The following PAPPA2 variants were observed in gnomAD, a reference collection of about 807,000 sequenced individuals.
The protein encoded by PAPPA2 is pappalysin 2.
Under a neutral mutation model 176.4 loss-of-function variants are expected in PAPPA2, and 86 were observed. The ratio of observed to expected loss-of-function variants is 0.49; its 90% CI spans 0.41 to 0.58. PAPPA2 has a LOEUF of 0.58. Ranked by LOEUF, PAPPA2 falls within the 20% of genes least tolerant of loss-of-function variation. The probability of loss-of-function intolerance (pLI) is 0.00; values close to 1 mark genes in which losing one functional copy is unlikely to be tolerated. For synonymous variants in PAPPA2, 809 were observed against 852.2 expected, an observed-to-expected ratio of 0.95 and a Z score of 0.88; for missense variants, 2,073 against 2,256.9, an observed-to-expected ratio of 0.92 and a Z score of 1.65.
At chr1:176,673,300 C>G (rs1365819651) in intron 4 of PAPPA2, among the ~76,000 whole-genome samples, 1 of 152,062 alleles carries the variant, frequency 6.6e-6, no homozygotes. Context: ...AATGGGTGGA[C>G]TAGAAAGTCA....
chr1:176,796,638 C>CT (rs1255705826), intron 20 of PAPPA2, among the ~76,000 whole-genome samples: 13 of 148,268 alleles, frequency 8.8e-5, no homozygotes, highest in Non-Finnish European at 1.5e-4. Context: ...CTTTTTCTTT[C>CT]TTTTCTTTTC....
intron 3 of PAPPA2, among the ~76,000 whole-genome samples, chr1:176,597,117 G>C (rs1223042371): frequency 6.6e-6 from 1 of 152,172 alleles, no homozygotes; most frequent in East Asian, 1.9e-4. Flanking sequence ...CTTCAAGCAT[G>C]TGGTATCAAA....
intron 17 of PAPPA2, among the ~76,000 whole-genome samples, chr1:176,773,702 A>G (rs1428477695): frequency 6.6e-6 from 1 of 152,228 alleles, no homozygotes; most frequent in Non-Finnish European, 1.5e-5. Context: ...CAAACTTTGA[A>G]GTTCAATACA....
At chr1:176,705,065 G>A (rs1166854168) in intron 9 of PAPPA2, among the ~76,000 whole-genome samples, 4 of 151,874 alleles carry the variant, frequency 2.6e-5, no homozygotes, top group Non-Finnish European at 5.9e-5. Flanking sequence ...GATTATTCCT[G>A]GACCCCTTGT....
intron 14 of PAPPA2, among the ~76,000 whole-genome samples, chr1:176,744,671 G>A (rs752469191): frequency 6.6e-5 from 10 of 152,034 alleles, no homozygotes; most frequent in Admixed American, 1.3e-4. Context: ...CAGTTTTCTC[G>A]TCTTTACAGG....
chr1:176,673,361 A>G (rs1372887349), intron 4 of PAPPA2, among the ~76,000 whole-genome samples: 1 of 152,114 alleles, frequency 6.6e-6, no homozygotes, highest in Non-Finnish European at 1.5e-5. Flanking sequence ...GTTTTGAGTT[A>G]TGCTAATCAA....
rs1331802133 is a variant in PAPPA2 at position 176,699,277 on chromosome 1, T to C, written c.2924T>C (p.Met975Thr). 1 of 1,614,162 alleles carries C rather than the reference T, an allele frequency of 6.2e-7. No homozygotes were observed. Among genetic ancestry groups the C allele is most frequent in the Admixed American group, 1.7e-5 (1 of 60,018 alleles). ...ACCCTGTGGGTCACTTCCTTCTTCA[T>C]GGAGTCCTCGCAGGTCCTCTTTGAC... is the stretch of plus-strand genomic sequence containing the variant. The part of the protein sequence containing the change: ...TLTLWVTSFF[M>T]ESSQVLFDTE... The change falls in exon 8 of 23, where the codon ATG (methionine) becomes ACG (threonine). Residue 975 changes from methionine to threonine, a missense_variant. Met to Thr is a moderately conservative substitution (Grantham distance 81). Transcript: ENST00000367662.
intron 1 of PAPPA2, among the ~76,000 whole-genome samples, chr1:176,470,963 AT>A (rs1431489115): frequency 2.0e-5 from 3 of 152,096 alleles, no homozygotes; most frequent in African/African-American, 7.2e-5. Context: ...CAAATAGCAC[AT>A]CCTCAGAATG....
At chr1:176,732,456 G>C (rs1291137751) in intron 12 of PAPPA2, among the ~76,000 whole-genome samples, 2 of 152,130 alleles carry the variant, frequency 1.3e-5, no homozygotes, top group Non-Finnish European at 2.9e-5. Flanking sequence ...ATTTCTTTCG[G>C]ATCTGCATTT....
At chr1:176,631,198 T>C (rs767734429) in intron 3 of PAPPA2, among the ~76,000 whole-genome samples, 6 of 152,186 alleles carry the variant, frequency 3.9e-5, no homozygotes, top group Non-Finnish European at 7.4e-5. Flanking sequence ...TACAGTGAAA[T>C]ATTATTTGGT....
chr1:176,502,919 A>G (rs1648048397), intron 1 of PAPPA2, among the ~76,000 whole-genome samples: 1 of 152,144 alleles, frequency 6.6e-6, no homozygotes, highest in Non-Finnish European at 1.5e-5. Context: ...AGTATGATGC[A>G]CCCAGTAATC....
intron 1 of PAPPA2, among the ~76,000 whole-genome samples, chr1:176,551,820 T>TG (rs747388620): frequency 1.8e-4 from 28 of 151,950 alleles, no homozygotes; most frequent in South Asian, 1.7e-3. Flanking sequence ...TGGGTTTCTT[T>TG]AGGGGGGTGG....
At chr1:176,540,833 C>T (rs573934306) in intron 1 of PAPPA2, among the ~76,000 whole-genome samples, 1 of 152,270 alleles carries the variant, frequency 6.6e-6, no homozygotes, top group East Asian at 1.9e-4. Context: ...TGGAAATCAT[C>T]TCCCACCAGA....
chr1:176,711,399 A>G (rs1268028723), intron 11 of PAPPA2, among the ~76,000 whole-genome samples: 1 of 152,036 alleles, frequency 6.6e-6, no homozygotes, highest in African/African-American at 2.4e-5. Context: ...AGTGGGAGAA[A>G]TTTCCTGGAG....
chr1:176,771,166 G>A lies in PAPPA2; in HGVS notation c.4701G>A (p.Glu1567=), dbSNP rs1309614072. The A allele has an allele frequency of 7.4e-6, 12 of 1,614,034 alleles. No homozygotes were observed. The highest frequency in any genetic ancestry group is 1.1e-5 in the South Asian group (1 of 91,088). ...KPGYYVAESA[E]GKVRNKLLKI... is the part of the protein sequence containing the mutation. Reference sequence around the variant, plus strand: ...GGTACTATGTGGCAGAAAGTGCAGAGGGTAAAGTCAGGAAGTAAGTTGAAT... The same window carrying A: ...GGTACTATGTGGCAGAAAGTGCAGAAGGTAAAGTCAGGAAGTAAGTTGAAT... Residue 1567 remains glutamate (E), a synonymous_variant, in exon 17 of 23, where the codon GAG becomes GAA. Coordinates refer to ENST00000367662, the MANE Select transcript of PAPPA2 (RefSeq NM_020318.3).
intron 21 of PAPPA2, among the ~76,000 whole-genome samples, chr1:176,822,915 G>T (rs12127712): frequency 1.3e-4 from 20 of 151,966 alleles, no homozygotes; most frequent in Admixed American, 1.2e-3. Flanking sequence ...ATCTCTTCTC[G>T]CAGTACCTTA....
At chr1:176,711,069 G>T (rs1571211732) in intron 11 of PAPPA2, among the ~76,000 whole-genome samples, 2 of 152,274 alleles carry the variant, frequency 1.3e-5, no homozygotes, top group East Asian at 3.9e-4. Context: ...TTTTCTGGAA[G>T]TTCCACCCGC....
At chr1:176,567,211 T>G (rs796258854) in intron 2 of PAPPA2, among the ~76,000 whole-genome samples, 1 of 152,310 alleles carries the variant, frequency 6.6e-6, no homozygotes, top group African/African-American at 2.4e-5. Flanking sequence ...GAAAACTCAG[T>G]GGGCAAACAA....
chr1:176,784,632 G>C (rs2102929864), intron 17 of PAPPA2, among the ~76,000 whole-genome samples: 1 of 151,498 alleles, frequency 6.6e-6, no homozygotes, highest in East Asian at 1.9e-4. Flanking sequence ...TGTCTACCAG[G>C]CTGGAGTGCA....
Sources: allele counts gnomAD v4.1 joint callset (sites outside exome capture counted in the v4.1 genomes callset), GRCh38; gene constraint gnomAD v4.1.1; transcripts MANE v1.5; gene names NCBI Gene and HGNC (gene_info 2026-07-23, HGNC 2026-07-21).